RPH3AL: variants seen among roughly 807,000 people sequenced by gnomAD.
RPH3AL encodes rabphilin 3A like (without C2 domains).
RPH3AL carries 38 observed loss-of-function variants against 43.1 expected under a neutral mutation model. The ratio of observed to expected loss-of-function variants is 0.88; its 90% CI spans 0.68 to 1.15. The LOEUF is 1.15. RPH3AL is among the 50% of genes most tolerant of loss of function. RPH3AL has a pLI of 0.00. For missense variants in RPH3AL, 462 were observed against 423.2 expected (o/e 1.09, Z -0.81); for synonymous variants, 189 against 176.3 (o/e 1.07, Z -0.57).
chr17:341,480 A>G (rs1051461558), intron 1 of RPH3AL: 12 of 152,242 alleles, frequency 7.9e-5, no homozygotes, highest in African/African-American at 2.9e-4. Context: ...GGACCCTGAC[A>G]TCACACCATT....
intron 1 of RPH3AL, among the ~76,000 whole-genome samples, chr17:349,533 T>A (rs2045313572): frequency 1.3e-5 from 2 of 152,120 alleles, no homozygotes; most frequent in Non-Finnish European, 2.9e-5. Flanking sequence ...ATTTCAAAAA[T>A]TAAAATGACT....
chr17:270,125 AC>A (rs1437610823), intron 6 of RPH3AL, among the ~76,000 whole-genome samples: 1 of 152,092 alleles, frequency 6.6e-6, no homozygotes, highest in Non-Finnish European at 1.5e-5. Flanking sequence ...GGATGCCGTG[AC>A]AGCAGCCCAG....
intron 5 of RPH3AL, among the ~76,000 whole-genome samples, chr17:295,331 G>A (rs2043150049): frequency 6.7e-6 from 1 of 149,670 alleles, no homozygotes; most frequent in Admixed American, 6.6e-5. Context: ...AGTGTGGGAG[G>A]GACAGAGGAG....
At chr17:326,911 G>A (rs1207739253) in intron 3 of RPH3AL, among the ~76,000 whole-genome samples, 1 of 152,246 alleles carries the variant, frequency 6.6e-6, no homozygotes, top group African/African-American at 2.4e-5. Context: ...CAAGGAACTA[G>A]CGAGATTCTC....
chr17:324,715 C>A (rs2044574573), intron 3 of RPH3AL, among the ~76,000 whole-genome samples: 1 of 152,004 alleles, frequency 6.6e-6, no homozygotes, highest in Non-Finnish European at 1.5e-5. Flanking sequence ...ATGTACCTAT[C>A]TATCTATCTA....
At chr17:228,620 C>T (rs899441673) in intron 7 of RPH3AL, among the ~76,000 whole-genome samples, 11 of 152,160 alleles carry the variant, frequency 7.2e-5, no homozygotes, top group African/African-American at 2.7e-4. Context: ...CTTTGTAGGA[C>T]ACCCAGGACA....
At chr17:260,822 A>C (rs2042180542) in intron 6 of RPH3AL, among the ~76,000 whole-genome samples, 4 of 150,534 alleles carry the variant, frequency 2.7e-5, no homozygotes, top group East Asian at 2.0e-4. Context: ...CACCTCCCCC[A>C]CCCCCATCAC....
intron 5 of RPH3AL, among the ~76,000 whole-genome samples, chr17:308,279 G>A (rs2043553181): frequency 6.6e-6 from 1 of 152,196 alleles, no homozygotes; most frequent in South Asian, 2.1e-4. Flanking sequence ...GGCCGTGGAG[G>A]ACTTTCACCG....
At chr17:312,329 G>A (rs1318871692) in intron 5 of RPH3AL, among the ~76,000 whole-genome samples, 1 of 151,962 alleles carries the variant, frequency 6.6e-6, no homozygotes, top group Non-Finnish European at 1.5e-5. Flanking sequence ...GAGGAGGAGA[G>A]ACTAGAGCCC....
chr17:300,815 T>C lies in RPH3AL; in HGVS notation c.351+18605A>G, dbSNP rs60048032. Among the ~76,000 whole-genome samples the C allele has an allele frequency of 4.5e-3, 379 of 84,938 alleles. 2 individuals are homozygous for C. The highest frequency in any genetic ancestry group is 0.042 in the Middle Eastern group (6 of 142). The allele number at this position is 84,938 out of a possible 152,430, so 55.7% of individuals were successfully genotyped here. On this transcript the variant is annotated intron_variant, in intron 5 of 9. Coordinates refer to ENST00000331302, the MANE Select transcript of RPH3AL (RefSeq NM_006987.4). ...CCCAGCCTAGGCCCGCAGAATCTCT[T>C]ACCCGCTCTAGCAGGGGCTGGCCCA...
chr17:292,835 G>A (rs761930731), intron 5 of RPH3AL, among the ~76,000 whole-genome samples: 4 of 152,236 alleles, frequency 2.6e-5, no homozygotes, highest in Non-Finnish European at 5.9e-5. Context: ...CTGGGAGCAC[G>A]CCGAGCCCTG....
chr17:303,722 A>G (rs200299620), intron 5 of RPH3AL, among the ~76,000 whole-genome samples: 983 of 38,278 alleles, frequency 0.026, 9 homozygotes, highest in East Asian at 0.049. Context: ...ATAATTATTG[A>G]GCAGTGACCG....
chr17:305,939 G>A (rs560571109), intron 5 of RPH3AL, among the ~76,000 whole-genome samples: 16 of 151,586 alleles, frequency 1.1e-4, no homozygotes, highest in African/African-American at 3.4e-4. Flanking sequence ...CCGCCTCTGG[G>A]GCTCAAGCCT....
At position 238,137 on chromosome 17, in the gene RPH3AL, GAGAAAGAAAGAAAAGAAAGAAAGA is replaced by G. The variant is rs1466917764; in HGVS notation, c.613+8950_613+8973del. ...AGCCTAGGTGACAGAGTGAAACCCTGAGAAAGAAAGAAAAGAAAGAAAGAAGAGAGAAAGAGAGAGAGAGAGAAA... is the reference window on the plus strand; with the variant it reads ...AGCCTAGGTGACAGAGTGAAACCCTGAGAGAGAAAGAGAGAGAGAGAGAAA... On this transcript the variant is annotated intron_variant, in intron 7 of 9. Coordinates refer to ENST00000331302, the MANE Select transcript of RPH3AL (RefSeq NM_006987.4). Among the ~76,000 whole-genome samples, 3 of 148,268 alleles carry G rather than the reference GAGAAAGAAAGAAAAGAAAGAAAGA, an allele frequency of 2.0e-5. No homozygotes were observed. In the East Asian group the frequency reaches 6.0e-4, roughly 29 times the overall value.
intron 7 of RPH3AL, among the ~76,000 whole-genome samples, chr17:235,302 G>A (rs190909841): frequency 6.8e-5 from 10 of 147,828 alleles, no homozygotes; most frequent in Middle Eastern, 3.6e-3. Context: ...GACGGGTCCC[G>A]GGTTCAAAGC....
chr17:283,528 T>C lies in RPH3AL; in HGVS notation c.352-1674A>G, dbSNP rs2042834443. Among the ~76,000 whole-genome samples the C allele has an allele frequency of 6.6e-6, 1 of 152,178 alleles. No individual in the cohort carries two copies. The highest frequency in any genetic ancestry group is 1.5e-5 in the Non-Finnish European group (1 of 68,028). On this transcript the variant is annotated intron_variant, in intron 5 of 9. Transcript: ENST00000331302. This position sits in a 1 kb window ranked among gnomAD's most constrained non-coding sequence, Gnocchi z 4.2. ...AAATCTGCCCAAGCCTCAGCCACAC[T>C]TGGGGCCCCTTTCCAGCTCTCATGA...
Position 215,736 on chromosome 17 carries a change from C to A in RPH3AL, c.794G>T (p.Ser265Ile). 1 of 1,307,704 alleles carries A rather than the reference C, an allele frequency of 7.6e-7. No homozygotes were observed. The highest frequency in any genetic ancestry group is 2.7e-5 in the South Asian group (1 of 37,474). The allele number at this position is 1,307,704 out of a possible 1,614,324, so 81.0% of individuals were successfully genotyped here. ...HPPGHLSGCQ[S>I]SLASGETGTG... ...CCCCGTCTCACCACTGGCCAGGCTG[C>A]TCTGGCACCCAGAGAGGTGGCCCGG... The change falls in exon 9 of 10, where the codon AGC becomes ATC. Residue 265 changes from serine to isoleucine, a missense_variant. Coordinates refer to ENST00000331302, the MANE Select transcript of RPH3AL (RefSeq NM_006987.4). The surrounding 1 kb of genome is among the most constrained non-coding windows in gnomAD (Gnocchi z 4.1).
intron 1 of RPH3AL, among the ~76,000 whole-genome samples, chr17:342,891 G>A (rs2045154053): frequency 6.6e-6 from 1 of 152,160 alleles, no homozygotes; most frequent in Non-Finnish European, 1.5e-5. Context: ...AGCCAGACAT[G>A]ATGCTAATCT....
chr17:221,667 G>A (rs1236619484), intron 7 of RPH3AL, among the ~76,000 whole-genome samples: 6 of 67,708 alleles, frequency 8.9e-5, no homozygotes, highest in African/African-American at 1.4e-4. Context: ...AGACCCAAGT[G>A]CATCAGCTCT....
Sources: allele counts gnomAD v4.1 joint callset (sites outside exome capture counted in the v4.1 genomes callset), GRCh38; gene constraint gnomAD v4.1.1; non-coding constraint Gnocchi (gnomAD v3.1); transcripts MANE v1.5; gene names NCBI Gene and HGNC (gene_info 2026-07-23, HGNC 2026-07-21).